Variants in GLIS3 observed in about 807,000 individuals in gnomAD.
GLIS3 encodes GLIS family zinc finger 3.
In GLIS3, 53 loss-of-function variants were observed where a neutral mutation model predicts 78.6. That is an observed-to-expected ratio of 0.67 (90% CI 0.54 to 0.85). The LOEUF (loss-of-function observed/expected upper bound fraction) is 0.85, where lower values mean the gene tolerates loss of function less well. Among genes scored for constraint, GLIS3 ranks in the 40% least tolerant of loss-of-function variants. The pLI is 0.00. For missense variants in GLIS3, 1,703 were observed against 1,231.1 expected (o/e 1.38, Z -5.74); for synonymous variants, 684 against 509.9 (o/e 1.34, Z -4.60).
In GLIS3 at chr9:4,118,081, G is replaced by A. The variant is rs764764239; in HGVS notation, c.1397C>T (p.Ala466Val). 3.8e-6 allele frequency: 6 copies of A among 1,565,504 alleles called. No individual in the cohort carries two copies. The South Asian group carries it at 4.8e-5, about 12-fold the overall frequency. ...PGPPPPYHAH[A>V]HLHHPELGPH... is the part of the protein sequence containing the mutation. ...CCCGAGCTCCGGGTGGTGAAGGTGCGCATGGGCATGGTAAGGGGGTGGGGG... is the reference window on the plus strand; with the variant it reads ...CCCGAGCTCCGGGTGGTGAAGGTGCACATGGGCATGGTAAGGGGGTGGGGG... Residue 466 changes from alanine to valine, a missense_variant, in exon 4 of 11, where the codon GCG becomes GTG. Ala to Val is a moderately conservative substitution (Grantham distance 64). Coordinates refer to ENST00000381971, the MANE Select transcript of GLIS3 (RefSeq NM_001042413.2). The surrounding 1 kb of genome is among the most constrained non-coding windows in gnomAD (Gnocchi z 4.7).
chr9:4,239,420 C>G (rs185786046), intron 2 of GLIS3, among the ~76,000 whole-genome samples: 1 of 150,964 alleles, frequency 6.6e-6, no homozygotes, highest in East Asian at 1.9e-4. Context: ...CTACTGTATT[C>G]GTATTCCAAT....
intron 4 of GLIS3, among the ~76,000 whole-genome samples, chr9:4,020,308 T>A (rs1822779633): frequency 1.3e-5 from 2 of 152,122 alleles, no homozygotes; most frequent in Admixed American, 1.3e-4. Context: ...TTTTTTTTGT[T>A]TTGTTTTGTT....
At chr9:4,363,132 G>C in the GLIS3 span, among the ~76,000 whole-genome samples, 5 of 152,126 alleles carry the variant, frequency 3.3e-5, no homozygotes, top group African/African-American at 1.2e-4. Context: ...CAATAATTAA[G>C]AATAAGCTGG....
chr9:4,026,262 C>G (rs886490179), intron 4 of GLIS3, among the ~76,000 whole-genome samples: 4 of 152,192 alleles, frequency 2.6e-5, no homozygotes, highest in African/African-American at 9.6e-5. Flanking sequence ...TGTCATTAGA[C>G]AGACTACAGA....
intron 4 of GLIS3, among the ~76,000 whole-genome samples, chr9:3,937,755 G>C (rs1037932262): frequency 6.6e-6 from 1 of 152,184 alleles, no homozygotes. Context: ...GAGTGACCAT[G>C]TTAATGTATA....
intron 2 of GLIS3, among the ~76,000 whole-genome samples, chr9:4,258,191 G>C (rs1825162852): frequency 6.6e-6 from 1 of 151,744 alleles, no homozygotes; most frequent in Non-Finnish European, 1.5e-5. Flanking sequence ...TCAGAGGGAG[G>C]AAAACAACAT....
At chr9:4,355,762 A>G in the GLIS3 span, among the ~76,000 whole-genome samples, 1 of 152,194 alleles carries the variant, frequency 6.6e-6, no homozygotes, top group African/African-American at 2.4e-5. Context: ...TTCCAGCCAT[A>G]GACCCTTTTC....
At chr9:4,341,803 G>C (rs976073672) in intron 2 of GLIS3, among the ~76,000 whole-genome samples, 1 of 152,064 alleles carries the variant, frequency 6.6e-6, no homozygotes, top group Admixed American at 6.6e-5. Flanking sequence ...TGGGATCTCC[G>C]CTTTTTTTTC....
the GLIS3 span, among the ~76,000 whole-genome samples, chr9:4,455,175 G>A: frequency 6.6e-6 from 1 of 152,174 alleles, no homozygotes; most frequent in African/African-American, 2.4e-5. Context: ...ATATTGTAAA[G>A]TTACTATTCT....
chr9:3,898,639 A>G, intron 7 of GLIS3, 52 bp downstream of exon 7: 3 of 1,607,820 alleles, frequency 1.9e-6, no homozygotes, highest in East Asian at 2.2e-5. Context: ...TAACCAGAGT[A>G]AAAGGCCTAA....
intron 4 of GLIS3, among the ~76,000 whole-genome samples, chr9:3,939,695 G>T (rs1056485809): frequency 6.6e-6 from 1 of 152,072 alleles, no homozygotes; most frequent in Admixed American, 6.5e-5. Flanking sequence ...CAATAGAACA[G>T]CATTACAGTA....
At chr9:4,173,036 G>T (rs917081496) in intron 2 of GLIS3, among the ~76,000 whole-genome samples, 1 of 152,124 alleles carries the variant, frequency 6.6e-6, no homozygotes, top group Non-Finnish European at 1.5e-5. Context: ...ACACTATGTG[G>T]ACTTAAGAAA....
intron 2 of GLIS3, among the ~76,000 whole-genome samples, chr9:4,202,384 C>A (rs2131268260): frequency 6.6e-6 from 1 of 150,752 alleles, no homozygotes; most frequent in South Asian, 2.1e-4. Context: ...AACTCCTGAC[C>A]TTGTGATCCA....
At chr9:4,220,686 G>C (rs941528234) in intron 2 of GLIS3, among the ~76,000 whole-genome samples, 3 of 151,810 alleles carry the variant, frequency 2.0e-5, no homozygotes, top group African/African-American at 7.3e-5. Flanking sequence ...CCAGGAGCCA[G>C]GGGTTCAAGG....
At position 3,899,740 on chromosome 9, in the gene GLIS3, A is replaced by AAAT. The variant is rs1411516946; in HGVS notation, c.1984-908_1984-906dup. Among the ~76,000 whole-genome samples the AAAT allele has an allele frequency of 2.0e-5, 3 of 152,248 alleles. No individual in the cohort carries two copies. In the South Asian group the frequency reaches 6.2e-4, roughly 32 times the overall value. On this transcript the variant is annotated intron_variant, in intron 6 of 10. Coordinates refer to ENST00000381971, the MANE Select transcript of GLIS3 (RefSeq NM_001042413.2). ...GCTAGAGTATGCTTATGCAGTCAAC[A>AAAT]AATATTTATTAAGTGTTTGTTACAT... is the stretch of plus-strand genomic sequence containing the variant.
intron 2 of GLIS3, among the ~76,000 whole-genome samples, chr9:4,252,043 T>G (rs1027850964): frequency 6.6e-6 from 1 of 152,326 alleles, no homozygotes; most frequent in Non-Finnish European, 1.5e-5. Context: ...GAACATTTTT[T>G]CCTTCATTTC....
intron 9 of GLIS3, among the ~76,000 whole-genome samples, chr9:3,834,462 A>C (rs1377568279): frequency 6.6e-6 from 1 of 152,192 alleles, no homozygotes; most frequent in Non-Finnish European, 1.5e-5. Flanking sequence ...TGAAGAACTG[A>C]CTTTTAAATT....
At chr9:4,046,357 T>C (rs1351611388) in intron 4 of GLIS3, among the ~76,000 whole-genome samples, 1 of 152,124 alleles carries the variant, frequency 6.6e-6, no homozygotes, top group African/African-American at 2.4e-5. Flanking sequence ...AGACCCTGAA[T>C]GGTACAGTAT....
intron 4 of GLIS3, among the ~76,000 whole-genome samples, chr9:4,085,255 C>A (rs1002879213): frequency 3.8e-5 from 5 of 132,230 alleles, no homozygotes; most frequent in Non-Finnish European, 6.6e-5. Context: ...GCCTCTATCA[C>A]TGATGGCTTT....
Sources: allele counts gnomAD v4.1 joint callset (sites outside exome capture counted in the v4.1 genomes callset), GRCh38; gene constraint gnomAD v4.1.1; non-coding constraint Gnocchi (gnomAD v3.1); transcripts MANE v1.5; gene names NCBI Gene and HGNC (gene_info 2026-07-23, HGNC 2026-07-21).